Variants in TYSND1 observed in about 807,000 individuals in gnomAD.
The protein encoded by TYSND1 is peroxisomal leader peptide-processing protease.
A neutral mutation model predicts 37.2 loss-of-function variants in TYSND1; 30 were observed. The ratio of observed to expected loss-of-function variants is 0.81; its 90% CI spans 0.60 to 1.09. TYSND1 has a LOEUF of 1.09. Among genes scored for constraint, TYSND1 ranks in the 50% least tolerant of loss-of-function variants. The pLI is 0.00. For synonymous variants in TYSND1, 364 were observed against 383.8 expected (o/e 0.95, Z 0.60); for missense variants, 806 against 817.4 (o/e 0.99, Z 0.17).
rs1839166560 is a variant in TYSND1, at chr10:70,145,409, C to A, written c.1166+12G>T. The A allele has an allele frequency of 2.1e-6, 3 of 1,410,364 alleles. No individual in the cohort carries two copies. In the Middle Eastern group the frequency reaches 5.6e-4, roughly 263 times the overall value. The allele number at this position is 1,410,364 out of a possible 1,614,324, so 87.4% of individuals were successfully genotyped here. ...GGAAAGGGATGAAGTGGCGTCAGCC[C>A]TGCGGGCTTACTTGGGGGTGGTGGA... On this transcript the variant is annotated intron_variant, in intron 1 of 3. Coordinates refer to ENST00000287078, the MANE Select transcript of TYSND1 (RefSeq NM_173555.4).
chr10:70,141,239 CTTTTT>C (rs34072247), intron 3 of TYSND1, among the ~76,000 whole-genome samples: 1 of 126,196 alleles, frequency 7.9e-6, no homozygotes, highest in African/African-American at 3.1e-5. Flanking sequence ...CCATACCTGG[CTTTTT>C]TTTTTTTTTT....
chr10:70,141,894 A>G (rs2072782517), intron 3 of TYSND1, among the ~76,000 whole-genome samples: 1 of 152,286 alleles, frequency 6.6e-6, no homozygotes, highest in South Asian at 2.1e-4. Context: ...GGCTCTAAAT[A>G]TTACTTACGG....
intron 1 of TYSND1, chr10:70,144,550 G>C (rs2394648): frequency 1.0e-6 from 1 of 986,988 alleles, no homozygotes; most frequent in Non-Finnish European, 1.2e-6. Flanking sequence ...GTCAACTCCC[G>C]GGGAGGCAGC....
chr10:70,140,239 T>C, intron 3 of TYSND1, 98 bp from the exon 4 acceptor site: 2 of 1,001,092 alleles, frequency 2.0e-6, no homozygotes, highest in Non-Finnish European at 2.9e-6. Flanking sequence ...CCCCAGGGCC[T>C]GGTAGGGCTG....
Position 70,145,710 on chromosome 10 carries a change from A to G in TYSND1, c.877T>C (p.Phe293Leu), listed in dbSNP as rs1839191818. The G allele has an allele frequency of 2.8e-6, 4 of 1,413,630 alleles. No individual in the cohort carries two copies. Among genetic ancestry groups the G allele is most frequent in the Non-Finnish European group, 3.7e-6 (4 of 1,094,378 alleles). The allele number at this position is 1,413,630 out of a possible 1,614,324, so 87.6% of individuals were successfully genotyped here. Residue 293 changes from phenylalanine to leucine, a missense_variant, in exon 1 of 4, where the codon TTC (phenylalanine) becomes CTC (leucine). Phe to Leu is a conservative substitution (Grantham distance 22, BLOSUM62 0). This residue lies in a region of TYSND1 where 708 missense variants were observed against 705.4 expected (regional missense o/e 1.00). Coordinates refer to ENST00000287078, the MANE Select transcript of TYSND1 (RefSeq NM_173555.4). ...LCWKAGEWVG[F>L]TLLCAAAPLF... Reference sequence around the variant, plus strand: ...GGGGCGGCGGCGCAGAGCAGCGTGAAGCCCACCCATTCGCCGGCCTTCCAA... The same window carrying G: ...GGGGCGGCGGCGCAGAGCAGCGTGAGGCCCACCCATTCGCCGGCCTTCCAA...
In TYSND1 at chr10:70,145,422, T is replaced by C. The variant is rs770699328; in HGVS notation, c.1165A>G (p.Lys389Glu). The C allele has an allele frequency of 3.5e-6, 5 of 1,426,472 alleles. No individual in the cohort carries two copies. The highest frequency in any genetic ancestry group is 5.9e-5 in the Admixed American group (2 of 33,820). 88.4% of individuals were successfully genotyped at this position (1,426,472 alleles called of 1,614,324 possible). ...ARVLVRSTTP[K>E]SVAIWGRVVF... ...GTGGCGTCAGCCCTGCGGGCTTACTTGGGGGTGGTGGAGCGCACCAGGACC... is the reference window on the plus strand; with the variant it reads ...GTGGCGTCAGCCCTGCGGGCTTACTCGGGGGTGGTGGAGCGCACCAGGACC... Residue 389 changes from lysine (K) to glutamate (E), a missense_variant and splice_region_variant, in exon 1 of 4, where the codon AAG becomes GAG. By Grantham distance (56) the Lys-to-Glu change is moderately conservative. Transcript: ENST00000287078.
chr10:70,139,996 G>C lies in TYSND1; in HGVS notation c.1629C>G (p.Arg543=). 4 of 1,614,194 alleles carry C rather than the reference G, an allele frequency of 2.5e-6. No homozygotes were observed. Among genetic ancestry groups the C allele is most frequent in the Non-Finnish European group, 3.4e-6 (4 of 1,180,020 alleles). The change falls in exon 4 of 4, where the codon CGC becomes CGG. Residue 543 remains arginine, a synonymous_variant. Transcript: ENST00000287078. ...ACACCACCCTGACTGGCTCAGCAGC[G>C]CGGTCCAGCTCACGGAGGCCACCTA... ...QDLGGLRELD[R]AAEPVRVVWR...
intron 1 of TYSND1, 89 bp from the exon 2 acceptor site, chr10:70,144,061 C>G: frequency 6.4e-7 from 1 of 1,551,914 alleles, no homozygotes; most frequent in Non-Finnish European, 8.8e-7. Context: ...CAGTAAAAGT[C>G]AGAAGATCTG....
At chr10:70,141,928 T>C (rs2072783148) in intron 3 of TYSND1, among the ~76,000 whole-genome samples, 1 of 152,130 alleles carries the variant, frequency 6.6e-6, no homozygotes, top group Non-Finnish European at 1.5e-5. Context: ...TCTTTGTAAG[T>C]ACTAAATATT....
Position 70,146,603 on chromosome 10 carries a change from A to G in TYSND1, c.-17T>C. The G allele has an allele frequency of 6.7e-7, 1 of 1,492,392 alleles. No individual in the cohort carries two copies. Among genetic ancestry groups the G allele is most frequent in the Non-Finnish European group, 8.9e-7 (1 of 1,127,722 alleles). 92.4% of individuals were successfully genotyped at this position (1,492,392 alleles called of 1,614,324 possible). A position where few individuals can be genotyped will look rare whatever the true frequency, so the allele number is the denominator to read the frequency against. ...CCTTCTCATGGCCTCTAGGCCGGAC[A>G]CTCGGGAGCTTCTCCGAGAAACAGC... On this transcript the variant is annotated 5_prime_UTR_variant, in exon 1 of 4. Transcript: ENST00000287078.
At chr10:70,144,779 A>G (rs1453147934) in intron 1 of TYSND1, 1 of 985,446 alleles carries the variant, frequency 1.0e-6, no homozygotes, top group Non-Finnish European at 1.2e-6. Context: ...GGGGACACCT[A>G]TGGCAAAACT....
intron 3 of TYSND1, among the ~76,000 whole-genome samples, chr10:70,142,076 G>A (rs945690093): frequency 6.6e-6 from 1 of 152,170 alleles, no homozygotes; most frequent in Non-Finnish European, 1.5e-5. Flanking sequence ...AGTTAGACTG[G>A]ACTGGAGTTG....
rs545826667 is a variant in TYSND1 at position 70,142,902 on chromosome 10, A to T, written c.1298-49T>A. 22 of 1,593,316 alleles carry T rather than the reference A, an allele frequency of 1.4e-5. No homozygotes were observed. In the South Asian group the frequency reaches 2.4e-4, roughly 17 times the overall value. On this transcript the variant is annotated intron_variant, in intron 2 of 3. Coordinates refer to ENST00000287078, the MANE Select transcript of TYSND1 (RefSeq NM_173555.4). ...AAGCTGGGGACACCTGTGTTACAGC[A>T]GGACTCACACTCCCTAACTCCCATC...
At chr10:70,140,288 A>G in intron 3 of TYSND1, 147 bp from the exon 4 acceptor site, 2 of 626,166 alleles carry the variant, frequency 3.2e-6, no homozygotes, top group Non-Finnish European at 5.6e-6. Flanking sequence ...GAGCTTCTAG[A>G]CATGAACACC....
rs2136697313 is a variant in TYSND1 at position 70,145,711 on chromosome 10, GCCCACCCATT to G, written c.866_875del (p.Glu289AlafsTer76). The G allele has an allele frequency of 7.1e-7, 1 of 1,414,388 alleles. No homozygotes were observed. 87.6% of individuals were successfully genotyped at this position (1,414,388 alleles called of 1,614,324 possible). A position where few individuals can be genotyped will look rare whatever the true frequency, so the allele number is the denominator to read the frequency against. Reference sequence around the variant, plus strand: ...GGGCGGCGGCGCAGAGCAGCGTGAAGCCCACCCATTCGCCGGCCTTCCAACAGAGCGGCGC... The same window carrying G: ...GGGCGGCGGCGCAGAGCAGCGTGAAGCGCCGGCCTTCCAACAGAGCGGCGC... On this transcript the variant is annotated frameshift_variant, in exon 1 of 4. Transcript: ENST00000287078. LOFTEE classifies it high-confidence loss of function.
Position 70,142,859 on chromosome 10 carries a change from AG to A in TYSND1, c.1298-7del. ...CACCACACTCACAGCCTCGCCTGCC[AG>A]GGAAGGAAGGAGGGTGAAGCTGGGG... On this transcript the variant is annotated splice_polypyrimidine_tract_variant and splice_region_variant and intron_variant, in intron 2 of 3. Transcript: ENST00000287078. 6.2e-7 allele frequency: 1 copy of A among 1,612,526 alleles called. No homozygotes were observed. Among genetic ancestry groups the A allele is most frequent in the Admixed American group, 1.7e-5 (1 of 59,984 alleles).
In TYSND1 at chr10:70,144,061, CAGA is replaced by C. The variant is rs2072834034; in HGVS notation, c.1167-92_1167-90del. ...AGGAGCTGAGAGTGACAGTAAAAGT[CAGA>C]AGATCTGGGTATCAGCCCTGAATCG... On this transcript the variant is annotated intron_variant, in intron 1 of 3. Transcript: ENST00000287078. 1.0e-5 allele frequency: 16 copies of C among 1,551,796 alleles called. No individual in the cohort carries two copies. The South Asian group carries it at 1.7e-4, about 16-fold the overall frequency.
chr10:70,144,908 AT>A, intron 1 of TYSND1: 1 of 406,170 alleles, frequency 2.5e-6, no homozygotes, highest in Non-Finnish European at 3.3e-6. Flanking sequence ...CTACCTTCTG[AT>A]TACGTAGAAA....
At chr10:70,144,406 G>A in intron 1 of TYSND1, 2 of 965,842 alleles carry the variant, frequency 2.1e-6, no homozygotes, top group Non-Finnish European at 2.5e-6. Flanking sequence ...TCACTGCCTC[G>A]TTGATACCCA....
Sources: gnomAD v4.1 joint callset for allele counts (sites outside exome capture counted in the v4.1 genomes callset) on GRCh38, gnomAD v4.1.1 for gene constraint, gnomAD v4.1.1 regional missense constraint, MANE v1.5 for transcripts, NCBI Gene and HGNC (gene_info 2026-07-23, HGNC 2026-07-21) for gene names.